ABCA4: variants seen among roughly 807,000 people sequenced by gnomAD.
ABCA4 encodes the protein retinal-specific phospholipid-transporting ATPase ABCA4.
Under a neutral mutation model 263.7 loss-of-function variants are expected in ABCA4, and 196 were observed. The observed-to-expected ratio is 0.74, with a 90% CI of 0.66 to 0.84. The LOEUF is 0.84. Ranked by LOEUF, ABCA4 falls within the 40% of genes least tolerant of loss-of-function variation. ABCA4 has a pLI of 0.00. For synonymous variants in ABCA4, 1,133 were observed against 1,094.2 expected, an observed-to-expected ratio of 1.04 and a Z score of -0.70; for missense variants, 2,792 against 2,855.1, an observed-to-expected ratio of 0.98 and a Z score of 0.50.
intron 1 of ABCA4, among the ~76,000 whole-genome samples, chr1:94,116,968 C>CTCCT (rs1553197105): frequency 3.0e-5 from 3 of 99,940 alleles, no homozygotes; most frequent in African/African-American, 4.0e-5. Context: ...TTCTTTCTTT[C>CTCCT]TCTTTCTTTC....
In ABCA4 at chr1:93,998,013, A is replaced by C. The variant is rs1659057871; in HGVS notation, c.6577T>G (p.Phe2193Val). 2 of 1,614,062 alleles carry C rather than the reference A, an allele frequency of 1.2e-6. No individual in the cohort carries two copies. Among genetic ancestry groups the C allele is most frequent in the African/African-American group, 1.3e-5 (1 of 74,924 alleles). Residue 2193 changes from phenylalanine to valine, a missense_variant, in exon 48 of 50, where the codon TTC (phenylalanine) becomes GTC (valine). Phe to Val is a conservative substitution (Grantham distance 50). Coordinates refer to ENST00000370225, the MANE Select transcript of ABCA4 (RefSeq NM_000350.3). ...NPVEQFFQGN[F>V]PGSVQRERHY... is the part of the protein sequence containing the mutation. Reference sequence around the variant, plus strand: ...CTCTCCCTCTGCACACTGCCTGGGAAGTTCCCCTGGAAGAACTGCTCCACA... The same window carrying C: ...CTCTCCCTCTGCACACTGCCTGGGACGTTCCCCTGGAAGAACTGCTCCACA...
intron 11 of ABCA4, among the ~76,000 whole-genome samples, chr1:94,067,219 TA>T (rs1021043610): frequency 1.3e-5 from 2 of 151,896 alleles, no homozygotes; most frequent in African/African-American, 2.4e-5. Context: ...GTATACCTCT[TA>T]AAACAAAAAA....
At chr1:94,028,425 G>A (rs964590627) in intron 30 of ABCA4, among the ~76,000 whole-genome samples, 1 of 152,200 alleles carries the variant, frequency 6.6e-6, no homozygotes, top group African/African-American at 2.4e-5. Flanking sequence ...GCAAAAGATG[G>A]ATGCTGGCTG....
Position 94,011,394 on chromosome 1 carries a change from G to C in ABCA4, c.5461-9C>G, listed in dbSNP as rs781114892. 6.8e-6 allele frequency: 11 copies of C among 1,613,430 alleles called. No homozygotes were observed. The South Asian group carries it at 9.9e-5, about 14-fold the overall frequency. Reference sequence around the variant, plus strand: ...TTGAACCTGAGCAGCGTCTGAAACAGAGAAGTAGGACTGTTGGAAACGGGG... The same window carrying C: ...TTGAACCTGAGCAGCGTCTGAAACACAGAAGTAGGACTGTTGGAAACGGGG... On this transcript the variant is annotated splice_polypyrimidine_tract_variant and intron_variant, in intron 38 of 49. Transcript: ENST00000370225.
chr1:94,047,251 T>C (rs1660711805), intron 18 of ABCA4, among the ~76,000 whole-genome samples, 158 bp from the exon 19 acceptor site: 1 of 152,206 alleles, frequency 6.6e-6, no homozygotes, highest in Non-Finnish European at 1.5e-5. Flanking sequence ...ATAATAGTAA[T>C]ACTAGCATCA....
chr1:94,029,754 C>T, intron 29 of ABCA4, 123 bp from the exon 30 acceptor site: 1 of 957,200 alleles, frequency 1.0e-6, no homozygotes, highest in South Asian at 1.4e-5. Context: ...TCTTCTTATT[C>T]TCTTGGAGGC....
chr1:94,086,427 G>A (rs1463917383), intron 6 of ABCA4, among the ~76,000 whole-genome samples: 1 of 152,064 alleles, frequency 6.6e-6, no homozygotes, highest in Non-Finnish European at 1.5e-5. Context: ...GTTAGAAGTG[G>A]ATGTAATAAA....
chr1:94,031,541 A>G (rs920770994), intron 27 of ABCA4, among the ~76,000 whole-genome samples: 1 of 152,264 alleles, frequency 6.6e-6, no homozygotes, highest in East Asian at 1.9e-4. Context: ...TAAAAACAAT[A>G]TTAACATTTT....
Position 94,037,316 on chromosome 1 carries a change from G to A in ABCA4, c.3642C>T (p.His1214=). Residue 1214 remains histidine (H), a synonymous_variant, in exon 25 of 50, where the codon CAC becomes CAT. Coordinates refer to ENST00000370225, the MANE Select transcript of ABCA4 (RefSeq NM_000350.3). ...DVNELMDVVL[H]HVPEAKLVEC... The stretch of plus-strand genomic sequence containing the variant: ...CCACCAGCTTTGCCTCTGGAACATG[G>A]TGGAGAACTACATCCATCAGCTCAT... The A allele has an allele frequency of 6.2e-7, 1 of 1,614,210 alleles. No homozygotes were observed. Among genetic ancestry groups the A allele is most frequent in the East Asian group, 2.2e-5 (1 of 44,890 alleles).
chr1:93,993,106 G>T lies in ABCA4; in HGVS notation c.*131C>A. On this transcript the variant is annotated 3_prime_UTR_variant, in exon 50 of 50. Coordinates refer to ENST00000370225, the MANE Select transcript of ABCA4 (RefSeq NM_000350.3). Reference sequence around the variant, plus strand: ...TCTGAATTCGCTGCATGCTCCTCGTGTGTTTGTTTTCTGCTGCAGTGGGGT... The same window carrying T: ...TCTGAATTCGCTGCATGCTCCTCGTTTGTTTGTTTTCTGCTGCAGTGGGGT... 8.2e-7 allele frequency: 1 copy of T among 1,223,352 alleles called. No individual in the cohort carries two copies. Among genetic ancestry groups the T allele is most frequent in the Non-Finnish European group, 1.2e-6 (1 of 839,544 alleles). 75.8% of individuals were successfully genotyped at this position (1,223,352 alleles called of 1,614,324 possible).
rs771143815 is a variant in ABCA4 at position 94,079,367 on chromosome 1, G to A, written c.1194C>T (p.Ile398=). The change falls in exon 9 of 50, where the codon ATC becomes ATT. Residue 398 remains isoleucine, a synonymous_variant. Coordinates refer to ENST00000370225, the MANE Select transcript of ABCA4 (RefSeq NM_000350.3). ...RAAKPLLMGK[I]LYTPDSPAAR... is the part of the protein sequence containing the mutation. ...CTGCAGGTGAATCAGGAGTGTACAG[G>A]ATTTTTCCCATCAGCAAAGGCTTTG... 6.2e-7 allele frequency: 1 copy of A among 1,614,008 alleles called. No homozygotes were observed. Among genetic ancestry groups the A allele is most frequent in the African/African-American group, 1.3e-5 (1 of 74,876 alleles).
At chr1:94,035,497 T>C (rs1660312881) in intron 26 of ABCA4, among the ~76,000 whole-genome samples, 2 of 152,200 alleles carry the variant, frequency 1.3e-5, no homozygotes, top group Admixed American at 1.3e-4. Context: ...CCATTGGTAG[T>C]TCTAGGCATA....
rs1356104318 is a variant in ABCA4 at position 94,098,850 on chromosome 1, G to A, written c.712C>T (p.Gln238Ter). 1 of 1,614,148 alleles carries A rather than the reference G, an allele frequency of 6.2e-7. No homozygotes were observed. The highest frequency in any genetic ancestry group is 8.5e-7 in the Non-Finnish European group (1 of 1,180,020). The change falls in exon 6 of 50, where the codon CAG (glutamine) becomes TAG (stop). Residue 238 changes from glutamine to a stop codon, truncating the protein, a stop_gained. Transcript: ENST00000370225. LOFTEE classifies it high-confidence loss of function. ...GCATACAGAGTGTCTTCTATCCACTGTAGGGTGCCCTGGGAGAGGGAGCAC... is the reference window on the plus strand; with the variant it reads ...GCATACAGAGTGTCTTCTATCCACTATAGGGTGCCCTGGGAGAGGGAGCAC... Reference protein sequence around the residue: ...ALCSLSQGTLQWIEDTLYANV... With the variant: ...ALCSLSQGTL
intron 9 of ABCA4, among the ~76,000 whole-genome samples, chr1:94,079,078 T>G (rs539830767): frequency 4.3e-4 from 65 of 152,244 alleles, no homozygotes; most frequent in African/African-American, 1.5e-3. Context: ...GGGATATAAT[T>G]CAAGCAATGG....
At chr1:94,047,121 T>C (rs1255386591) in intron 18 of ABCA4, 28 bp from the exon 19 acceptor site, 1 of 1,612,566 alleles carries the variant, frequency 6.2e-7, no homozygotes, top group East Asian at 2.2e-5. Context: ...GAACATGATG[T>C]AAACATAATG....
intron 1 of ABCA4, among the ~76,000 whole-genome samples, chr1:94,120,409 T>C (rs998876276): frequency 2.0e-5 from 3 of 152,200 alleles, no homozygotes; most frequent in Admixed American, 6.5e-5. Flanking sequence ...ACGCAGTCAA[T>C]TGTAAGACAC....
intron 36 of ABCA4, 48 bp from the exon 37 acceptor site, chr1:94,015,902 T>C (rs1659723566): frequency 6.6e-7 from 1 of 1,508,738 alleles, no homozygotes; most frequent in African/African-American, 1.4e-5. Flanking sequence ...TCAGACCTGC[T>C]GCCAGCTCTG....
At chr1:94,079,295 A>C in intron 9 of ABCA4, 27 bp downstream of exon 9, 1 of 1,614,104 alleles carries the variant, frequency 6.2e-7, no homozygotes, top group Non-Finnish European at 8.5e-7. Flanking sequence ...TCCAGGGTAC[A>C]CAAGGCAAGC....
intron 45 of ABCA4, 56 bp downstream of exon 45, chr1:94,001,802 C>T (rs1659190875): frequency 6.2e-7 from 1 of 1,613,320 alleles, no homozygotes; most frequent in Non-Finnish European, 8.5e-7. Context: ...ATTTCCCCAA[C>T]CCAAGAGACC....
Sources: gnomAD v4.1 joint callset for allele counts (sites outside exome capture counted in the v4.1 genomes callset) on GRCh38, gnomAD v4.1.1 for gene constraint, MANE v1.5 for transcripts, NCBI Gene and HGNC (gene_info 2026-07-23, HGNC 2026-07-21) for gene names.